Variants in KPNB1 observed in about 807,000 individuals in gnomAD.
The protein encoded by KPNB1 is importin subunit beta-1.
Under a neutral mutation model 113.0 loss-of-function variants are expected in KPNB1, and 7 were observed. The observed-to-expected ratio is 0.06, with a 90% CI of 0.04 to 0.12. The LOEUF is 0.12. KPNB1 is among the 10% of genes least tolerant of loss of function. The probability of loss-of-function intolerance (pLI) is 1.00; values close to 1 mark genes in which losing one functional copy is unlikely to be tolerated. For synonymous variants in KPNB1, 363 were observed against 378.6 expected (o/e 0.96, Z 0.48); for missense variants, 400 against 1,054.8 (o/e 0.38, Z 8.60).
chr17:47,662,896 G>A (rs1183192467), intron 6 of KPNB1, among the ~76,000 whole-genome samples, 193 bp from the exon 7 acceptor site: 1 of 152,088 alleles, frequency 6.6e-6, no homozygotes, highest in Non-Finnish European at 1.5e-5. Context: ...CCCCGAAAAA[G>A]AGAGACAAAA....
At chr17:47,657,898 C>T (rs2029956909) in intron 4 of KPNB1, among the ~76,000 whole-genome samples, 1 of 152,166 alleles carries the variant, frequency 6.6e-6, no homozygotes, top group Non-Finnish European at 1.5e-5. Context: ...ATGATACTTT[C>T]TTGAGTGAAC....
At chr17:47,666,225 A>G (rs985250452) in intron 9 of KPNB1, among the ~76,000 whole-genome samples, 59 of 151,042 alleles carry the variant, frequency 3.9e-4, no homozygotes, top group African/African-American at 1.3e-3. Context: ...GCTAATTTTT[A>G]TATTTTCAGT....
intron 12 of KPNB1, chr17:47,671,561 CAG>C (rs2030448395): frequency 6.6e-6 from 1 of 151,892 alleles, no homozygotes; most frequent in Non-Finnish European, 1.5e-5. Context: ...TATTTTGAGA[CAG>C]AGTGTTGCTC....
At position 47,677,037 on chromosome 17, in the gene KPNB1, G is replaced by C; in HGVS notation, c.2013G>C (p.Val671=). Residue 671 remains valine (V), a synonymous_variant, in exon 17 of 22, where the codon GTG becomes GTC. Transcript: ENST00000290158. The part of the protein sequence containing the change: ...YAEYQVCLAA[V]GLVGDLCRAL... ...CTTGGCAGGTTTGTTTGGCAGCTGT[G>C]GGCTTAGTGGGAGACTTGTGCCGTG... 6.2e-7 allele frequency: 1 copy of C among 1,613,680 alleles called. No homozygotes were observed. Among genetic ancestry groups the C allele is most frequent in the Non-Finnish European group, 8.5e-7 (1 of 1,179,826 alleles).
chr17:47,664,637 C>CA (rs2030210992), intron 8 of KPNB1, among the ~76,000 whole-genome samples: 1 of 152,140 alleles, frequency 6.6e-6, no homozygotes, highest in African/African-American at 2.4e-5. Context: ...GTGAAAGAGT[C>CA]AGATATGGAA....
At chr17:47,655,482 C>T (rs1289859405) in intron 3 of KPNB1, among the ~76,000 whole-genome samples, 1 of 152,186 alleles carries the variant, frequency 6.6e-6, no homozygotes, top group African/African-American at 2.4e-5. Flanking sequence ...TTAACATCAG[C>T]AACGTTGTTT....
chr17:47,650,609 C>G (rs1425851452), intron 2 of KPNB1, among the ~76,000 whole-genome samples, 165 bp downstream of exon 2: 2 of 150,554 alleles, frequency 1.3e-5, no homozygotes, highest in East Asian at 2.0e-4. Context: ...ACCCCGCCAT[C>G]GGGAAGCCGG....
intron 2 of KPNB1, among the ~76,000 whole-genome samples, chr17:47,652,185 C>T (rs953694073): frequency 6.6e-6 from 1 of 152,158 alleles, no homozygotes; most frequent in African/African-American, 2.4e-5. Context: ...TGAAAAGCTA[C>T]CCTGCTGCTG....
chr17:47,679,757 C>T (rs1257323509), intron 19 of KPNB1: 4 of 293,158 alleles, frequency 1.4e-5, no homozygotes, highest in South Asian at 4.4e-5. Context: ...AGCGCAGTGG[C>T]GCAATCTCGG....
Position 47,685,142 on chromosome 17 carries a change from C to A in KPNB1, c.*2738C>A, listed in dbSNP as rs919953112. The A allele has an allele frequency of 6.6e-6, 1 of 152,168 alleles. No individual in the cohort carries two copies. The highest frequency in any genetic ancestry group is 1.5e-5 in the Non-Finnish European group (1 of 68,038). 9.4% of individuals were successfully genotyped at this position (152,168 alleles called of 1,614,324 possible). A position where few individuals can be genotyped will look rare whatever the true frequency, so the allele number is the denominator to read the frequency against. Reference sequence around the variant, plus strand: ...CATTTTTCCCAGTTCTCCTCACCCCCCCTTTGTTGAAATGTTGGACTTGCT... The same window carrying A: ...CATTTTTCCCAGTTCTCCTCACCCCACCTTTGTTGAAATGTTGGACTTGCT... On this transcript the variant is annotated 3_prime_UTR_variant, in exon 22 of 22. Transcript: ENST00000290158.
At chr17:47,670,585 C>T (rs989190771) in intron 11 of KPNB1, 117 bp from the exon 12 acceptor site, 1 of 1,028,292 alleles carries the variant, frequency 9.7e-7, no homozygotes, top group Non-Finnish European at 1.4e-6. Context: ...TTGAGATGAC[C>T]TTGGCAGAAA....
In KPNB1 at chr17:47,650,127, G is replaced by GGCC; in HGVS notation, c.-118_-117insGCC. ...GGTGAATGGGTTTGTGGTGACCCCC[G>GGCC]CCCCCCACCCCACCCTCCCTTCCCA... On this transcript the variant is annotated 5_prime_UTR_variant, in exon 1 of 22. Coordinates refer to ENST00000290158, the MANE Select transcript of KPNB1 (RefSeq NM_002265.6). 1.5e-6 allele frequency: 1 copy of GGCC among 686,058 alleles called. No individual in the cohort carries two copies. The highest frequency in any genetic ancestry group is 1.7e-6 in the Non-Finnish European group (1 of 580,150). The allele number at this position is 686,058 out of a possible 1,614,324, so 42.5% of individuals were successfully genotyped here.
At chr17:47,654,848 C>T (rs1302457653) in intron 3 of KPNB1, among the ~76,000 whole-genome samples, 4 of 152,150 alleles carry the variant, frequency 2.6e-5, no homozygotes, top group African/African-American at 9.7e-5. Flanking sequence ...CCATTCAGCC[C>T]CTGATATTTT....
intron 15 of KPNB1, among the ~76,000 whole-genome samples, chr17:47,675,073 C>T (rs2030554802): frequency 6.6e-6 from 1 of 152,136 alleles, no homozygotes; most frequent in African/African-American, 2.4e-5. Flanking sequence ...CCTGCCTCAG[C>T]CTCCCAGAGT....
intron 9 of KPNB1, among the ~76,000 whole-genome samples, 194 bp downstream of exon 9, chr17:47,665,352 A>G (rs2030236499): frequency 6.6e-6 from 1 of 152,192 alleles, no homozygotes; most frequent in Non-Finnish European, 1.5e-5. Flanking sequence ...ACTGAGTCTT[A>G]ACATCTCAGA....
intron 12 of KPNB1, 76 bp downstream of exon 12, chr17:47,670,908 C>A: frequency 1.6e-6 from 2 of 1,281,028 alleles, no homozygotes; most frequent in Non-Finnish European, 2.2e-6. Context: ...GGATATCTAG[C>A]TTAATCATAG....
At chr17:47,678,659 G>T in intron 19 of KPNB1, 1 of 428,108 alleles carries the variant, frequency 2.3e-6, no homozygotes, top group South Asian at 2.5e-5. Flanking sequence ...CCAGGCTGGA[G>T]TGCAGTCGTG....
rs757140330 is a variant in KPNB1 at position 47,677,141 on chromosome 17, C to A, written c.2103+14C>A. ...GAAAATTTGGGGGTGAGTATCTACA[C>A]ACAATCTAATTAACCAGTCTTCTTT... On this transcript the variant is annotated intron_variant, in intron 17 of 21. Transcript: ENST00000290158. 2.6e-5 allele frequency: 40 copies of A among 1,533,154 alleles called. No individual in the cohort carries two copies. In the Middle Eastern group the frequency reaches 5.1e-4, roughly 20 times the overall value. 95.0% of individuals were successfully genotyped at this position (1,533,154 alleles called of 1,614,324 possible).
At position 47,680,140 on chromosome 17, in the gene KPNB1, T is replaced by TTA. The variant is rs1265365527; in HGVS notation, c.2468+9_2468+10dup. 2.6e-6 allele frequency: 4 copies of TTA among 1,531,952 alleles called. No homozygotes were observed. The African/African-American group carries it at 5.5e-5, about 21-fold the overall frequency. The allele number at this position is 1,531,952 out of a possible 1,614,324, so 94.9% of individuals were successfully genotyped here. ...TGTGCTGCTGGACTAATAGGGTAAGTTATACCCTGCTTCTAAGAGCTGAAT... is the reference window on the plus strand; with the variant it reads ...TGTGCTGCTGGACTAATAGGGTAAGTTATATACCCTGCTTCTAAGAGCTGAAT... On this transcript the variant is annotated splice_region_variant and intron_variant, in intron 20 of 21. Coordinates refer to ENST00000290158, the MANE Select transcript of KPNB1 (RefSeq NM_002265.6).
Sources: gnomAD v4.1 joint callset for allele counts (sites outside exome capture counted in the v4.1 genomes callset) on GRCh38, gnomAD v4.1.1 for gene constraint, MANE v1.5 for transcripts, NCBI Gene and HGNC (gene_info 2026-07-23, HGNC 2026-07-21) for gene names.